Variants in CEP112 observed in about 807,000 individuals in gnomAD.
CEP112 encodes the protein centrosomal protein 112.
CEP112 carries 127 observed loss-of-function variants against 153.0 expected under a neutral mutation model. The observed-to-expected ratio is 0.83, with a 90% confidence interval of 0.72 to 0.96. The LOEUF (loss-of-function observed/expected upper bound fraction) is 0.96, where lower values mean the gene tolerates loss of function less well. Ranked by LOEUF, CEP112 falls within the 40% of genes least tolerant of loss-of-function variation. The pLI is 0.00. For missense variants in CEP112, 1,089 were observed against 1,101.2 expected, an observed-to-expected ratio of 0.99 and a Z score of 0.16; for synonymous variants, 358 against 374.4, an observed-to-expected ratio of 0.96 and a Z score of 0.51.
At chr17:65,898,218 T>G (rs1413435637) in intron 20 of CEP112, among the ~76,000 whole-genome samples, 1 of 152,134 alleles carries the variant, frequency 6.6e-6, no homozygotes, top group Non-Finnish European at 1.5e-5. Context: ...AAGCCATGTA[T>G]GTAGGTATAA....
intron 6 of CEP112, among the ~76,000 whole-genome samples, chr17:66,106,192 T>C (rs749226879): frequency 8.6e-5 from 13 of 151,876 alleles, no homozygotes; most frequent in Admixed American, 2.0e-4. Flanking sequence ...GAATTATCAA[T>C]ATGAAAAAGG....
intron 16 of CEP112, among the ~76,000 whole-genome samples, chr17:66,026,872 C>A (rs886402367): frequency 1.4e-4 from 21 of 152,118 alleles, no homozygotes; most frequent in Middle Eastern, 3.4e-3. Context: ...ATTTTTTTTC[C>A]TGAATATTTT....
intron 25 of CEP112, among the ~76,000 whole-genome samples, chr17:65,638,864 A>G (rs191511640): frequency 6.6e-5 from 10 of 152,172 alleles, no homozygotes; most frequent in East Asian, 5.8e-4. Context: ...GATATGAATG[A>G]TAACAGAAGC....
At chr17:65,684,904 G>A (rs1219635670) in intron 24 of CEP112, among the ~76,000 whole-genome samples, 3 of 151,970 alleles carry the variant, frequency 2.0e-5, no homozygotes, top group African/African-American at 7.3e-5. Context: ...GAAATTATGG[G>A]GTTCTTGCTC....
chr17:65,827,878 T>A (rs2056904877), intron 21 of CEP112, among the ~76,000 whole-genome samples: 1 of 152,224 alleles, frequency 6.6e-6, no homozygotes, highest in Non-Finnish European at 1.5e-5. Flanking sequence ...CTCCTTCAAA[T>A]TTGTTTGAAT....
intron 23 of CEP112, among the ~76,000 whole-genome samples, chr17:65,740,828 T>C (rs1242452768): frequency 3.3e-5 from 5 of 152,212 alleles, no homozygotes; most frequent in African/African-American, 9.6e-5. Flanking sequence ...AATCTATGTG[T>C]ACAAAACACT....
intron 23 of CEP112, among the ~76,000 whole-genome samples, chr17:65,728,736 A>G (rs910837219): frequency 3.9e-5 from 6 of 152,188 alleles, no homozygotes; most frequent in African/African-American, 1.4e-4. Flanking sequence ...TACAGTATAA[A>G]AGATACAAAA....
intron 23 of CEP112, among the ~76,000 whole-genome samples, chr17:65,712,683 T>G (rs2049262186): frequency 6.6e-6 from 1 of 152,176 alleles, no homozygotes; most frequent in African/African-American, 2.4e-5. Flanking sequence ...TCTGCTTTTT[T>G]CACCAGCAAA....
rs530577104 is a variant in CEP112, at chr17:66,028,473, G to GA, written c.1504-69dup. The GA allele has an allele frequency of 8.1e-4, 653 of 802,152 alleles. 5 individuals are homozygous for GA. The South Asian group carries it at 8.5e-3, about 10-fold the overall frequency. The allele number at this position is 802,152 out of a possible 1,614,324, so 49.7% of individuals were successfully genotyped here. On this transcript the variant is annotated intron_variant, in intron 14 of 26. Coordinates refer to ENST00000535342, the MANE Select transcript of CEP112 (RefSeq NM_001199165.4). ...TTGTACCATATTATACTTTCTGATT[G>GA]AAAAAATATGCCTTTTGTACCCCTG...
chr17:65,970,435 C>T (rs2062668386), intron 17 of CEP112, among the ~76,000 whole-genome samples: 3 of 89,004 alleles, frequency 3.4e-5, no homozygotes, highest in Non-Finnish European at 2.2e-5. Context: ...TGCATGCACA[C>T]ATCATGCATG....
intron 4 of CEP112, among the ~76,000 whole-genome samples, chr17:66,136,096 T>C (rs998655523): frequency 7.2e-5 from 11 of 152,178 alleles, no homozygotes; most frequent in African/African-American, 1.9e-4. Flanking sequence ...GTAGGAAAAT[T>C]TGTGGAATCC....
At position 66,069,849 on chromosome 17, in the gene CEP112, G is replaced by C. The variant is rs184678859; in HGVS notation, c.855+66C>G. 2.6e-4 allele frequency: 225 copies of C among 854,240 alleles called. 1 individual carries two copies. In the African/African-American group the frequency reaches 3.5e-3, roughly 13 times the overall value. The allele number at this position is 854,240 out of a possible 1,614,324, so 52.9% of individuals were successfully genotyped here. On this transcript the variant is annotated intron_variant, in intron 9 of 26. Coordinates refer to ENST00000535342, the MANE Select transcript of CEP112 (RefSeq NM_001199165.4). ...GGAAGAATGGATGGATAACTGGATGGATCATCATAAAACCTAGAATATTTT... is the reference window on the plus strand; with the variant it reads ...GGAAGAATGGATGGATAACTGGATGCATCATCATAAAACCTAGAATATTTT...
intron 11 of CEP112, 66 bp downstream of exon 11, chr17:66,062,897 A>C (rs1464438145): frequency 1.3e-5 from 10 of 765,284 alleles, no homozygotes; most frequent in Non-Finnish European, 1.9e-5. Context: ...TATTACTTTT[A>C]TAATTAAATA....
At chr17:65,657,057 G>A (rs2046098986) in intron 24 of CEP112, among the ~76,000 whole-genome samples, 4 of 152,138 alleles carry the variant, frequency 2.6e-5, no homozygotes, top group South Asian at 2.1e-4. Flanking sequence ...CAGGGCCTAC[G>A]GGGCTGCTGA....
intron 17 of CEP112, among the ~76,000 whole-genome samples, chr17:65,988,903 T>A (rs771810562): frequency 5.3e-5 from 8 of 151,800 alleles, no homozygotes; most frequent in Non-Finnish European, 1.0e-4. Context: ...AAGAAAGAGA[T>A]AAATGTCCAG....
intron 24 of CEP112, among the ~76,000 whole-genome samples, chr17:65,648,103 T>C (rs546579663): frequency 1.3e-5 from 2 of 152,282 alleles, no homozygotes; most frequent in Admixed American, 1.3e-4. Flanking sequence ...CACGAAGGTA[T>C]TCAAAGGCTG....
At chr17:65,651,654 T>C (rs960682882) in intron 24 of CEP112, among the ~76,000 whole-genome samples, 2 of 151,704 alleles carry the variant, frequency 1.3e-5, no homozygotes, top group African/African-American at 2.4e-5. Context: ...TCTTTCTTTC[T>C]CTTTCTTTCT....
At chr17:66,116,203 A>T (rs2069284192) in intron 6 of CEP112, among the ~76,000 whole-genome samples, 2 of 152,218 alleles carry the variant, frequency 1.3e-5, no homozygotes, top group Non-Finnish European at 2.9e-5. Flanking sequence ...CAGCAGATAC[A>T]GTGCTTACCT....
At position 66,156,211 on chromosome 17, in the gene CEP112, T is replaced by C. The variant is rs187552511; in HGVS notation, c.470+18833A>G. On this transcript the variant is annotated intron_variant, in intron 4 of 26. Transcript: ENST00000535342. Reference sequence around the variant, plus strand: ...GAACAGACAGCAATCTTTGCTGTTCTGCAGCCTCCACTGGCGATACCCAGG... The same window carrying C: ...GAACAGACAGCAATCTTTGCTGTTCCGCAGCCTCCACTGGCGATACCCAGG... Among the ~76,000 whole-genome samples the C allele has an allele frequency of 4.6e-5, 7 of 152,306 alleles. No homozygotes were observed. In the East Asian group the frequency reaches 1.4e-3, roughly 29 times the overall value.
Sources: gnomAD v4.1 joint callset for allele counts (sites outside exome capture counted in the v4.1 genomes callset) on GRCh38, gnomAD v4.1.1 for gene constraint, MANE v1.5 for transcripts, NCBI Gene and HGNC (gene_info 2026-07-23, HGNC 2026-07-21) for gene names.